Variants in NCAM2 observed in about 807,000 individuals in gnomAD.
NCAM2 encodes the protein neural cell adhesion molecule 2, also known as N-CAM-2.
Under a neutral mutation model 98.1 loss-of-function variants are expected in NCAM2, and 30 were observed. That is an observed-to-expected ratio of 0.31 (90% confidence interval 0.23 to 0.41). NCAM2 has a LOEUF of 0.41. Ranked by LOEUF, NCAM2 falls within the 10% of genes least tolerant of loss-of-function variation. The pLI is 1.00. For synonymous variants in NCAM2, 368 were observed against 342.4 expected (o/e 1.07, Z -0.83); for missense variants, 867 against 1,005.8 (o/e 0.86, Z 1.87).
At chr21:21,463,447 T>G (rs1397232491) in intron 12 of NCAM2, among the ~76,000 whole-genome samples, 2 of 152,154 alleles carry the variant, frequency 1.3e-5, no homozygotes, top group Non-Finnish European at 2.9e-5. Context: ...TTTGCAAAAC[T>G]TACATCAGTA....
chr21:21,134,674 C>T (rs2067005068), intron 1 of NCAM2, among the ~76,000 whole-genome samples: 1 of 148,172 alleles, frequency 6.7e-6, no homozygotes, highest in Non-Finnish European at 1.5e-5. Context: ...TTTTTCATTT[C>T]ACTTACTTCC....
intron 16 of NCAM2, among the ~76,000 whole-genome samples, chr21:21,513,811 G>A (rs964199338): frequency 2.0e-5 from 3 of 152,046 alleles, no homozygotes; most frequent in African/African-American, 7.2e-5. Flanking sequence ...TCACAGCTAC[G>A]ATTTTATTAG....
Position 21,509,116 on chromosome 21 carries a change from C to G in NCAM2, c.2282+61C>G, listed in dbSNP as rs1988194299. On this transcript the variant is annotated intron_variant, in intron 16 of 17. Transcript: ENST00000400546. ...CAAGCGCCACAGTCAAGCTCGAGTG[C>G]TTTACCTGAGGGCGTTGTAGGGTAA... is the stretch of plus-strand genomic sequence containing the variant. 14 of 1,561,500 alleles carry G rather than the reference C, an allele frequency of 9.0e-6. No homozygotes were observed. In the South Asian group the frequency reaches 1.3e-4, roughly 15 times the overall value.
intron 4 of NCAM2, among the ~76,000 whole-genome samples, chr21:21,289,073 A>T (rs1477142490): frequency 6.6e-6 from 1 of 151,932 alleles, no homozygotes. Context: ...ATATCCATTC[A>T]ATCTTGGCCA....
chr21:21,538,109 C>CAA lies in NCAM2; in HGVS notation c.*153_*154insAA, dbSNP rs1990083393. On this transcript the variant is annotated 3_prime_UTR_variant, in exon 18 of 18. Coordinates refer to ENST00000400546, the MANE Select transcript of NCAM2 (RefSeq NM_004540.5). ...ATACATATGATCAAATACTCCTGCCCATGATCCATTCCCTTTTGTTATTGT... is the reference window on the plus strand; with the variant it reads ...ATACATATGATCAAATACTCCTGCCCAAATGATCCATTCCCTTTTGTTATTGT... 2.5e-6 allele frequency: 1 copy of CAA among 402,736 alleles called. No individual in the cohort carries two copies. The highest frequency in any genetic ancestry group is 4.5e-5 in the Admixed American group (1 of 22,292). 24.9% of individuals were successfully genotyped at this position (402,736 alleles called of 1,614,324 possible).
chr21:21,038,578 C>T (rs1443286189), intron 1 of NCAM2, among the ~76,000 whole-genome samples: 6 of 152,140 alleles, frequency 3.9e-5, no homozygotes, highest in Non-Finnish European at 7.4e-5. Context: ...TTGCTCAGTA[C>T]TTTTCCTTGC....
At position 21,053,072 on chromosome 21, in the gene NCAM2, A is replaced by G. The variant is rs534699553; in HGVS notation, c.55+54454A>G. On this transcript the variant is annotated intron_variant, in intron 1 of 17. Transcript: ENST00000400546. The stretch of plus-strand genomic sequence containing the variant: ...TTATTGAATAGTTGAAAAAAAAAGC[A>G]AAAACAATTAATTGCTGGTATTTCA... 2.8e-4 allele frequency among the ~76,000 whole-genome samples: 43 copies of G among 152,224 alleles called. 1 individual carries two copies. Among genetic ancestry groups the G allele is most frequent in the African/African-American group, 9.9e-4 (41 of 41,564 alleles).
chr21:21,407,727 A>T (rs1397902212), intron 9 of NCAM2, among the ~76,000 whole-genome samples: 2 of 152,206 alleles, frequency 1.3e-5, no homozygotes, highest in African/African-American at 4.8e-5. Context: ...ATAGATATAG[A>T]CGTATGAATT....
At chr21:21,322,571 G>T (rs1242667654) in intron 5 of NCAM2, among the ~76,000 whole-genome samples, 2 of 152,160 alleles carry the variant, frequency 1.3e-5, no homozygotes, top group Non-Finnish European at 2.9e-5. Context: ...ATTTAAAACA[G>T]AATTGGAATT....
chr21:21,292,353 A>G (rs1423400276), intron 5 of NCAM2, 112 bp downstream of exon 5: 6 of 1,013,068 alleles, frequency 5.9e-6, no homozygotes, highest in East Asian at 2.6e-5. Flanking sequence ...AACCTCTTCT[A>G]TACCAGGAAG....
rs188562740 is a variant in NCAM2, at chr21:21,076,665, C to T, written c.55+78047C>T. On this transcript the variant is annotated intron_variant, in intron 1 of 17. Transcript: ENST00000400546. ...GATATTCACTAGTACATATAAGTCA[C>T]GAAGTTTAGTTTGTAGCATACTCAC... Among the ~76,000 whole-genome samples the T allele has an allele frequency of 3.2e-3, 493 of 152,166 alleles. 8 individuals carry two copies. The highest frequency in any genetic ancestry group is 0.011 in the African/African-American group (468 of 41,518).
intron 1 of NCAM2, among the ~76,000 whole-genome samples, chr21:21,151,540 A>G (rs2067449108): frequency 6.6e-6 from 1 of 151,972 alleles, no homozygotes; most frequent in African/African-American, 2.4e-5. Context: ...ATAATTGTTG[A>G]TTGATTCCTG....
intron 10 of NCAM2, among the ~76,000 whole-genome samples, chr21:21,412,878 G>A (rs1310467102): frequency 6.6e-6 from 1 of 152,064 alleles, no homozygotes; most frequent in African/African-American, 2.4e-5. Flanking sequence ...AGTTGCTTGA[G>A]ACAGTTACTT....
chr21:21,232,259 A>T (rs936885216), intron 1 of NCAM2, among the ~76,000 whole-genome samples: 1 of 151,628 alleles, frequency 6.6e-6, no homozygotes, highest in African/African-American at 2.4e-5. Flanking sequence ...ATATGAAGAA[A>T]ATGTACATAA....
At position 21,381,918 on chromosome 21, in the gene NCAM2, A is replaced by G. The variant is rs142680659; in HGVS notation, c.1195+7905A>G. On this transcript the variant is annotated intron_variant, in intron 9 of 17. Transcript: ENST00000400546. ...GATAAATTCCATTAATTTATCTTTCATCAAATGTCCACTACACCTCTTCCT... is the reference window on the plus strand; with the variant it reads ...GATAAATTCCATTAATTTATCTTTCGTCAAATGTCCACTACACCTCTTCCT... Among the ~76,000 whole-genome samples, 1,440 of 152,136 alleles carry G rather than the reference A, an allele frequency of 9.5e-3. 15 individuals carry two copies. Among genetic ancestry groups the G allele is most frequent in the Middle Eastern group, 0.027 (8 of 292 alleles).
At chr21:21,033,582 G>T (rs947178399) in intron 1 of NCAM2, among the ~76,000 whole-genome samples, 1 of 152,006 alleles carries the variant, frequency 6.6e-6, no homozygotes, top group Non-Finnish European at 1.5e-5. Flanking sequence ...AAACAATGGC[G>T]TGAGACCAAG....
chr21:21,095,071 C>G (rs938762814), intron 1 of NCAM2, among the ~76,000 whole-genome samples: 5 of 151,782 alleles, frequency 3.3e-5, no homozygotes, highest in Admixed American at 6.6e-5. Context: ...TGCTGTCTTA[C>G]AGTGTCTTCA....
rs778220644 is a variant in NCAM2, at chr21:21,135,052, G to A, written c.55+136434G>A. Among the ~76,000 whole-genome samples the A allele has an allele frequency of 1.8e-4, 27 of 148,132 alleles. 1 individual carries two copies. Among genetic ancestry groups the A allele is most frequent in the South Asian group, 8.7e-4 (4 of 4,572 alleles). On this transcript the variant is annotated intron_variant, in intron 1 of 17. Coordinates refer to ENST00000400546, the MANE Select transcript of NCAM2 (RefSeq NM_004540.5). ...GATCAAGACCAATCCTGGCTAACACGGTGAAACCCCGTCTCTACTAAAAAT... is the reference window on the plus strand; with the variant it reads ...GATCAAGACCAATCCTGGCTAACACAGTGAAACCCCGTCTCTACTAAAAAT...
chr21:21,458,166 C>T (rs1022810451), intron 12 of NCAM2, among the ~76,000 whole-genome samples: 8 of 152,310 alleles, frequency 5.3e-5, no homozygotes, highest in Non-Finnish European at 7.4e-5. Flanking sequence ...GCTCCTGTTA[C>T]GCCAGCACTA....
Sources: gnomAD v4.1 joint callset for allele counts (sites outside exome capture counted in the v4.1 genomes callset) on GRCh38, gnomAD v4.1.1 for gene constraint, MANE v1.5 for transcripts, NCBI Gene and HGNC (gene_info 2026-07-23, HGNC 2026-07-21) for gene names.